Variants in DIAPH3 observed in about 807,000 individuals in gnomAD.
DIAPH3 encodes diaphanous related formin 3.
In DIAPH3, 117 loss-of-function variants were observed where a neutral mutation model predicts 144.3. The observed-to-expected ratio is 0.81, with a 90% CI of 0.70 to 0.95. The LOEUF is 0.95. DIAPH3 is among the 40% of genes least tolerant of loss of function. The pLI, the probability that DIAPH3 is intolerant of heterozygous loss-of-function variation, is 0.00. For synonymous variants in DIAPH3, 519 were observed against 488.9 expected (o/e 1.06, Z -0.81); for missense variants, 1,421 against 1,412.7 (o/e 1.01, Z -0.09).
chr13:59,791,043 G>A (rs1016135246), intron 25 of DIAPH3, among the ~76,000 whole-genome samples: 49 of 152,158 alleles, frequency 3.2e-4, no homozygotes, highest in African/African-American at 1.1e-3. Context: ...CACAATCATA[G>A]CTCGCTATAA....
chr13:59,714,602 CCTTT>C (rs1275068555), intron 27 of DIAPH3, among the ~76,000 whole-genome samples: 10 of 152,098 alleles, frequency 6.6e-5, no homozygotes, highest in Admixed American at 3.9e-4. Flanking sequence ...TATAACTTTA[CCTTT>C]TTTTTGTCCC....
chr13:59,992,846 GAAA>G (rs200815478), intron 9 of DIAPH3, among the ~76,000 whole-genome samples: 22 of 70,056 alleles, frequency 3.1e-4, no homozygotes, highest in East Asian at 5.6e-4. Context: ...TAAAAAAATA[GAAA>G]AAAAAAAAAA....
intron 3 of DIAPH3, among the ~76,000 whole-genome samples, chr13:60,097,074 A>G (rs1490818754): frequency 6.6e-6 from 1 of 152,230 alleles, no homozygotes; most frequent in Non-Finnish European, 1.5e-5. Context: ...GGAGAAACCC[A>G]AAATTCTCCC....
chr13:59,990,678 T>C (rs1383943148), intron 12 of DIAPH3, among the ~76,000 whole-genome samples: 1 of 151,928 alleles, frequency 6.6e-6, no homozygotes, highest in African/African-American at 2.4e-5. Context: ...TTTGTTAACC[T>C]CAGATGGCTA....
At chr13:59,889,752 G>C (rs1176165381) in intron 20 of DIAPH3, among the ~76,000 whole-genome samples, 1 of 151,844 alleles carries the variant, frequency 6.6e-6, no homozygotes, top group African/African-American at 2.4e-5. Context: ...TCTTATTTGA[G>C]CAGTCAAATC....
chr13:60,116,180 A>G lies in DIAPH3; in HGVS notation c.214-3994T>C, dbSNP rs537962677. ...GATGTTGGTGATACAAAGATAAATG[A>G]GCTATAAGACTTACCTTAAATAATT... On this transcript the variant is annotated intron_variant, in intron 2 of 27. Transcript: ENST00000400324. Among the ~76,000 whole-genome samples, 30 of 152,224 alleles carry G rather than the reference A, an allele frequency of 2.0e-4. No individual in the cohort carries two copies. In the South Asian group the frequency reaches 5.6e-3, roughly 28 times the overall value.
chr13:59,806,106 T>C (rs2040178269), intron 25 of DIAPH3, among the ~76,000 whole-genome samples: 1 of 151,810 alleles, frequency 6.6e-6, no homozygotes, highest in Non-Finnish European at 1.5e-5. Context: ...TATGGCAGAG[T>C]TATGTGAAGA....
chr13:59,762,079 T>TA (rs2139196494), intron 27 of DIAPH3, among the ~76,000 whole-genome samples: 2 of 106,726 alleles, frequency 1.9e-5, no homozygotes, highest in African/African-American at 8.4e-5. Context: ...TTTTTTTTTT[T>TA]TAGACAGTCT....
intron 27 of DIAPH3, among the ~76,000 whole-genome samples, chr13:59,764,511 T>G (rs763025220): frequency 6.6e-6 from 1 of 150,988 alleles, no homozygotes; most frequent in Non-Finnish European, 1.5e-5. Context: ...TTAAAGCCCT[T>G]ACCCCTAGTA....
chr13:59,852,322 T>C (rs944853082), intron 22 of DIAPH3, among the ~76,000 whole-genome samples: 3 of 152,238 alleles, frequency 2.0e-5, no homozygotes, highest in Non-Finnish European at 4.4e-5. Context: ...CTAGCACTTA[T>C]ATCATTTCTC....
intron 1 of DIAPH3, chr13:60,147,481 A>T (rs1475147647): frequency 6.6e-6 from 1 of 152,222 alleles, no homozygotes; most frequent in Non-Finnish European, 1.5e-5. Flanking sequence ...AAGGTACAGT[A>T]CAGTGAGATT....
intron 4 of DIAPH3, among the ~76,000 whole-genome samples, chr13:60,083,254 G>T (rs2057624915): frequency 1.3e-5 from 2 of 152,096 alleles, no homozygotes; most frequent in South Asian, 4.2e-4. Context: ...CATCTTCAGA[G>T]AATGATAGAG....
intron 22 of DIAPH3, among the ~76,000 whole-genome samples, chr13:59,854,230 T>G (rs188779853): frequency 6.6e-6 from 1 of 152,118 alleles, no homozygotes; most frequent in Non-Finnish European, 1.5e-5. Context: ...GCATGGATGC[T>G]TCCTCCCCTG....
At chr13:60,123,536 C>A (rs1402638917) in intron 2 of DIAPH3, among the ~76,000 whole-genome samples, 1 of 152,112 alleles carries the variant, frequency 6.6e-6, no homozygotes, top group Non-Finnish European at 1.5e-5. Flanking sequence ...AGTATTACTA[C>A]TGAAAATTTA....
chr13:59,758,990 C>T lies in DIAPH3; in HGVS notation c.3319+15199G>A, dbSNP rs930266047. Among the ~76,000 whole-genome samples, 16 of 146,724 alleles carry T rather than the reference C, an allele frequency of 1.1e-4. No individual in the cohort carries two copies. The East Asian group carries it at 3.2e-3, about 29-fold the overall frequency. On this transcript the variant is annotated intron_variant, in intron 27 of 27. Transcript: ENST00000400324. ...TTTTTTTTGTAGAAACAGCATCTCA[C>T]TATATTGCCCAGGCTGGTCTCGAAC...
rs1594315329 is a variant in DIAPH3, at chr13:60,008,488, C to T, written c.1014+56G>A. On this transcript the variant is annotated intron_variant, in intron 9 of 27. Coordinates refer to ENST00000400324, the MANE Select transcript of DIAPH3 (RefSeq NM_001042517.2). ...TTTTCATATAAACCAATCATAAAACCGTTAAAAGTAATATATGCCATTTAA... is the reference window on the plus strand; with the variant it reads ...TTTTCATATAAACCAATCATAAAACTGTTAAAAGTAATATATGCCATTTAA... The T allele has an allele frequency of 5.3e-6, 6 of 1,134,250 alleles. No homozygotes were observed. In the East Asian group the frequency reaches 7.1e-5, roughly 13 times the overall value. The allele number at this position is 1,134,250 out of a possible 1,614,324, so 70.3% of individuals were successfully genotyped here.
intron 3 of DIAPH3, among the ~76,000 whole-genome samples, chr13:60,110,448 T>C (rs2058535926): frequency 6.6e-6 from 1 of 152,126 alleles, no homozygotes; most frequent in Non-Finnish European, 1.5e-5. Context: ...AGCTCTAAAT[T>C]TGTCAAAAAT....
chr13:59,865,659 T>C (rs1381665569), intron 21 of DIAPH3, among the ~76,000 whole-genome samples: 1 of 151,964 alleles, frequency 6.6e-6, no homozygotes, highest in Admixed American at 6.6e-5. Flanking sequence ...CTCTGTTCAT[T>C]CCAGACAAAA....
intron 20 of DIAPH3, 46 bp from the exon 21 acceptor site, chr13:59,879,514 A>G (rs1230941015): frequency 1.2e-6 from 2 of 1,611,458 alleles, no homozygotes; most frequent in Non-Finnish European, 1.7e-6. Flanking sequence ...TGCATGGTAT[A>G]GTTTAGTACT....
Sources: gnomAD v4.1 joint callset for allele counts (sites outside exome capture counted in the v4.1 genomes callset) on GRCh38, gnomAD v4.1.1 for gene constraint, MANE v1.5 for transcripts, NCBI Gene and HGNC (gene_info 2026-07-23, HGNC 2026-07-21) for gene names.